Variants in BCAS4 observed in about 807,000 individuals in gnomAD.
BCAS4 encodes breast carcinoma amplified sequence 4.
Under a neutral mutation model 15.7 loss-of-function variants are expected in BCAS4, and 9 were observed. That is an observed-to-expected ratio of 0.57 (90% CI 0.34 to 1.00). The LOEUF is 1.00. Ranked by LOEUF, BCAS4 falls within the 50% of genes least tolerant of loss-of-function variation. The pLI is 0.02. For missense variants in BCAS4, 225 were observed against 239.1 expected (o/e 0.94, Z 0.39); for synonymous variants, 101 against 99.5 (o/e 1.02, Z -0.09).
intron 1 of BCAS4, among the ~76,000 whole-genome samples, chr20:50,816,188 G>T (rs564366645): frequency 6.6e-6 from 1 of 152,190 alleles, no homozygotes; most frequent in Admixed American, 6.5e-5. Context: ...ACCACGTCTG[G>T]TTAAATTTTG....
intron 2 of BCAS4, among the ~76,000 whole-genome samples, chr20:50,827,235 T>C (rs1235018338): frequency 6.6e-6 from 1 of 152,246 alleles, no homozygotes; most frequent in Non-Finnish European, 1.5e-5. Flanking sequence ...TTGTGCAGTT[T>C]TGAGACATGC....
intron 4 of BCAS4, among the ~76,000 whole-genome samples, chr20:50,873,672 G>A (rs542245832): frequency 6.6e-6 from 1 of 152,302 alleles, no homozygotes; most frequent in South Asian, 2.1e-4. Context: ...CCATCAGGGG[G>A]ACGTGTGTCC....
intron 4 of BCAS4, among the ~76,000 whole-genome samples, chr20:50,847,146 G>C (rs1225637560): frequency 6.6e-6 from 1 of 151,070 alleles, no homozygotes; most frequent in African/African-American, 2.4e-5. Flanking sequence ...CCAGCCGGTA[G>C]AGTGATCTCA....
At chr20:50,823,058 C>T (rs530443740) in intron 2 of BCAS4, among the ~76,000 whole-genome samples, 5 of 151,868 alleles carry the variant, frequency 3.3e-5, no homozygotes, top group Non-Finnish European at 7.4e-5. Context: ...AAGCCTTATT[C>T]GCCAGGCGTG....
At chr20:50,811,562 G>C (rs2088062989) in intron 1 of BCAS4, among the ~76,000 whole-genome samples, 1 of 151,968 alleles carries the variant, frequency 6.6e-6, no homozygotes, top group African/African-American at 2.4e-5. Context: ...ATGCAGAGGG[G>C]CAATCACGAA....
At chr20:50,836,706 C>T (rs969831933) in intron 3 of BCAS4, among the ~76,000 whole-genome samples, 1 of 152,000 alleles carries the variant, frequency 6.6e-6, no homozygotes, top group African/African-American at 2.4e-5. Flanking sequence ...GAACTTGACC[C>T]TTTATCAGTT....
At chr20:50,834,015 A>G (rs1269406985) in intron 3 of BCAS4, among the ~76,000 whole-genome samples, 2 of 152,144 alleles carry the variant, frequency 1.3e-5, no homozygotes, top group East Asian at 3.9e-4. Flanking sequence ...GAGGCGGGAA[A>G]AGGCAGCTTC....
intron 3 of BCAS4, 54 bp downstream of exon 3, chr20:50,830,434 C>T (rs568889533): frequency 6.8e-7 from 1 of 1,479,782 alleles, no homozygotes; most frequent in African/African-American, 1.4e-5. Context: ...TTGCTTTTGC[C>T]TTTTCCGCAA....
At chr20:50,850,293 GGCTCAGAGGGGGCTCTTCACTT>G (rs1236865106) in intron 4 of BCAS4, among the ~76,000 whole-genome samples, 1 of 152,226 alleles carries the variant, frequency 6.6e-6, no homozygotes, top group African/African-American at 2.4e-5. Flanking sequence ...AAGGACCTGA[GGCTCAGAGGGGGCTCTTCACTT>G]GCTCAGAGTC....
At chr20:50,825,452 A>G (rs1216286029) in intron 2 of BCAS4, among the ~76,000 whole-genome samples, 1 of 152,222 alleles carries the variant, frequency 6.6e-6, no homozygotes, top group African/African-American at 2.4e-5. Flanking sequence ...TTCAGCCCCT[A>G]GGATTGCCTT....
intron 4 of BCAS4, among the ~76,000 whole-genome samples, chr20:50,849,185 C>T (rs139543330): frequency 3.9e-4 from 59 of 152,376 alleles, no homozygotes; most frequent in African/African-American, 1.3e-3. Flanking sequence ...TGTTTTCTGC[C>T]GCCAAAACAT....
chr20:50,809,335 C>T (rs190645341), intron 1 of BCAS4, among the ~76,000 whole-genome samples: 1 of 151,942 alleles, frequency 6.6e-6, no homozygotes, highest in East Asian at 1.9e-4. Context: ...TCAGTGTCCC[C>T]AATAGCTGGG....
chr20:50,807,192 C>T (rs757532245), intron 1 of BCAS4, among the ~76,000 whole-genome samples: 1 of 147,706 alleles, frequency 6.8e-6, no homozygotes, highest in East Asian at 2.1e-4. Context: ...CTTTAAGTTA[C>T]GTTATTTTCT....
At chr20:50,860,205 G>A (rs1473991508) in intron 4 of BCAS4, among the ~76,000 whole-genome samples, 1 of 152,114 alleles carries the variant, frequency 6.6e-6, no homozygotes, top group Non-Finnish European at 1.5e-5. Flanking sequence ...CAAAACCATA[G>A]CACAATATCC....
intron 1 of BCAS4, among the ~76,000 whole-genome samples, chr20:50,798,323 C>CA (rs2087890751): frequency 6.6e-6 from 1 of 151,560 alleles, no homozygotes; most frequent in Non-Finnish European, 1.5e-5. Flanking sequence ...AAAAAAAACC[C>CA]AAAAGAATTA....
intron 4 of BCAS4, among the ~76,000 whole-genome samples, chr20:50,866,047 G>A (rs1979341925): frequency 6.6e-6 from 1 of 152,146 alleles, no homozygotes; most frequent in Admixed American, 6.5e-5. Context: ...CAAGAGCTCA[G>A]AAGAGCCCAG....
At chr20:50,879,704 G>A (rs1980080234), downstream of BCAS4, 1 of 152,266 alleles carries the variant, frequency 6.6e-6, no homozygotes, top group African/African-American at 2.4e-5. Context: ...CAGCAACGTT[G>A]AGTGTCCTAA....
chr20:50,850,902 G>A (rs1167409129), intron 4 of BCAS4, among the ~76,000 whole-genome samples: 2 of 152,238 alleles, frequency 1.3e-5, no homozygotes, highest in African/African-American at 2.4e-5. Context: ...TGGAAGGCTG[G>A]AGAGGATTTT....
chr20:50,815,268 A>G (rs1375359561), intron 1 of BCAS4, among the ~76,000 whole-genome samples: 1 of 152,208 alleles, frequency 6.6e-6, no homozygotes, highest in Non-Finnish European at 1.5e-5. Context: ...ACAGTGCTGC[A>G]GAAACATCTT....
Sources: allele counts gnomAD v4.1 joint callset (sites outside exome capture counted in the v4.1 genomes callset), GRCh38; gene constraint gnomAD v4.1.1; transcripts MANE v1.5; gene names NCBI Gene and HGNC (gene_info 2026-07-23, HGNC 2026-07-21).